Variants in FAM163B observed in about 807,000 individuals in gnomAD.
FAM163B encodes family with sequence similarity 163 member B.
A neutral mutation model predicts 7.6 loss-of-function variants in FAM163B; 4 were observed. The ratio of observed to expected loss-of-function variants is 0.52; its 90% CI spans 0.26 to 1.20. FAM163B has a LOEUF of 1.20. Ranked by LOEUF, FAM163B falls within the 50% of genes most tolerant of loss-of-function variation. The pLI is 0.14. For missense variants in FAM163B, 250 were observed against 243.0 expected, an observed-to-expected ratio of 1.03 and a Z score of -0.19; for synonymous variants, 120 against 111.6, an observed-to-expected ratio of 1.07 and a Z score of -0.47.
At chr9:133,581,822 C>A (rs947764740) in intron 1 of FAM163B, among the ~76,000 whole-genome samples, 8 of 152,194 alleles carry the variant, frequency 5.3e-5, no homozygotes, top group African/African-American at 1.7e-4. Flanking sequence ...CTTGACGTCA[C>A]AATCAGCTAA....
At chr9:133,580,305 T>C (rs1020588992) in intron 1 of FAM163B, 59 bp from the exon 2 acceptor site, 26 of 1,313,368 alleles carry the variant, frequency 2.0e-5, no homozygotes, top group Non-Finnish European at 2.7e-5. Flanking sequence ...AAGTCACTCG[T>C]GCTATTCTAG....
intron 1 of FAM163B, among the ~76,000 whole-genome samples, chr9:133,599,167 C>T (rs929291873): frequency 2.6e-5 from 4 of 152,198 alleles, no homozygotes; most frequent in Non-Finnish European, 4.4e-5. Flanking sequence ...AAATGCCTCA[C>T]CTGCACAGAG....
chr9:133,584,719 C>CG (rs1411346514), intron 1 of FAM163B, among the ~76,000 whole-genome samples: 4 of 152,152 alleles, frequency 2.6e-5, no homozygotes, highest in Non-Finnish European at 5.9e-5. Flanking sequence ...GCTTCTGAGC[C>CG]GGGCTGTGAA....
At chr9:133,590,462 C>T (rs1025751765) in intron 1 of FAM163B, among the ~76,000 whole-genome samples, 1 of 152,068 alleles carries the variant, frequency 6.6e-6, no homozygotes, top group Non-Finnish European at 1.5e-5. Flanking sequence ...CCTATAGGCA[C>T]AGCCGGCGCA....
In FAM163B at chr9:133,579,184, GTCCTCTTCCTCC is replaced by G; in HGVS notation, c.327_338del (p.Glu109_Glu112del). 1 of 1,611,890 alleles carries G rather than the reference GTCCTCTTCCTCC, an allele frequency of 6.2e-7. No homozygotes were observed. Among genetic ancestry groups the G allele is most frequent in the South Asian group, 1.1e-5 (1 of 91,032 alleles). ...GCACGCGCTCCCCGCCGTTCAGCACGTCCTCTTCCTCCTCCGGCGGCTCCTGCAGGAAGAAGG... is the reference window on the plus strand; with the variant it reads ...GCACGCGCTCCCCGCCGTTCAGCACGTCCGGCGGCTCCTGCAGGAAGAAGG... On this transcript the variant is annotated inframe_deletion, in exon 3 of 3. Coordinates refer to ENST00000673969, the MANE Select transcript of FAM163B (RefSeq NM_001080515.3).
chr9:133,578,981 C>A lies in FAM163B; in HGVS notation c.*41G>T. 6.8e-7 allele frequency: 1 copy of A among 1,464,456 alleles called. No individual in the cohort carries two copies. The highest frequency in any genetic ancestry group is 9.0e-7 in the Non-Finnish European group (1 of 1,109,350). 90.7% of individuals were successfully genotyped at this position (1,464,456 alleles called of 1,614,324 possible). ...TGTGCCAAAGGAATCCCCCCATTGT[C>A]TCAGGACCTTCAAGGCCAGGATCCC... is the stretch of plus-strand genomic sequence containing the variant. On this transcript the variant is annotated 3_prime_UTR_variant, in exon 3 of 3. Coordinates refer to ENST00000673969, the MANE Select transcript of FAM163B (RefSeq NM_001080515.3).
intron 1 of FAM163B, among the ~76,000 whole-genome samples, chr9:133,590,654 A>C (rs1314222938): frequency 6.6e-6 from 1 of 152,180 alleles, no homozygotes; most frequent in Non-Finnish European, 1.5e-5. Flanking sequence ...GGACAGGAGC[A>C]GGTGGACTCT....
chr9:133,586,548 C>G (rs1294286836), intron 1 of FAM163B, among the ~76,000 whole-genome samples: 1 of 152,204 alleles, frequency 6.6e-6, no homozygotes, highest in East Asian at 1.9e-4. Context: ...GAAGCTCCCC[C>G]CAGACCCCAG....
At chr9:133,591,418 G>A (rs950364850) in intron 1 of FAM163B, among the ~76,000 whole-genome samples, 8 of 152,184 alleles carry the variant, frequency 5.3e-5, no homozygotes, top group Admixed American at 2.0e-4. Context: ...TTTTCCTGTT[G>A]GGGCCGTGCA....
At chr9:133,597,438 T>C (rs999375722) in intron 1 of FAM163B, among the ~76,000 whole-genome samples, 19 of 151,800 alleles carry the variant, frequency 1.3e-4, no homozygotes, top group East Asian at 3.9e-4. Context: ...CAAAGTGAAA[T>C]AGAGAGAAAA....
At chr9:133,589,632 A>G (rs941367050) in intron 1 of FAM163B, among the ~76,000 whole-genome samples, 1 of 152,108 alleles carries the variant, frequency 6.6e-6, no homozygotes, top group Non-Finnish European at 1.5e-5. Context: ...CAGCGCGCAC[A>G]CACACAGTAG....
intron 1 of FAM163B, among the ~76,000 whole-genome samples, chr9:133,580,711 G>A (rs2131213887): frequency 6.6e-6 from 1 of 152,240 alleles, no homozygotes; most frequent in East Asian, 1.9e-4. Context: ...ATTTTCTTCT[G>A]CAACATAGTC....
chr9:133,597,169 C>T (rs554751145), intron 1 of FAM163B, among the ~76,000 whole-genome samples: 11 of 152,228 alleles, frequency 7.2e-5, no homozygotes, highest in South Asian at 2.1e-4. Context: ...GAACTAACCC[C>T]GAAGTGGCAC....
At position 133,579,290 on chromosome 9, in the gene FAM163B, G is replaced by A. The variant is rs1000689466; in HGVS notation, c.233C>T (p.Thr78Ile). Residue 78 changes from threonine (T) to isoleucine (I), a missense_variant, in exon 3 of 3, where the codon ACC (threonine) becomes ATC (isoleucine). By Grantham distance (89) the Thr-to-Ile change is moderately conservative. Transcript: ENST00000673969. ...CTGCGGGGACTTCTGGCTGAAGGAG[G>A]TGGAGGCGGTGGGGTAGAGCGCCGG... ...NGPALYPTAS[T>I]SFSQKSPQAR... 6.2e-6 allele frequency: 10 copies of A among 1,613,432 alleles called. No individual in the cohort carries two copies. Among genetic ancestry groups the A allele is most frequent in the South Asian group, 1.1e-5 (1 of 91,022 alleles).
Position 133,577,937 on chromosome 9 carries a change from G to A in FAM163B, c.*1085C>T, listed in dbSNP as rs1831277580. Among the ~76,000 whole-genome samples, 2 of 152,198 alleles carry A rather than the reference G, an allele frequency of 1.3e-5. No individual in the cohort carries two copies. Among genetic ancestry groups the A allele is most frequent in the Admixed American group, 1.3e-4 (2 of 15,286 alleles). On this transcript the variant is annotated 3_prime_UTR_variant, in exon 3 of 3. Coordinates refer to ENST00000673969, the MANE Select transcript of FAM163B (RefSeq NM_001080515.3). The stretch of plus-strand genomic sequence containing the variant: ...GGCAGCAGTAGGCTCTGGCTGCTTG[G>A]GGTCCACCAGGAGCTGGGCCAGGCC...
intron 1 of FAM163B, among the ~76,000 whole-genome samples, chr9:133,599,259 C>G (rs143985952): frequency 6.6e-6 from 1 of 152,190 alleles, no homozygotes; most frequent in East Asian, 1.9e-4. Flanking sequence ...TCAGGTCAGG[C>G]TGCTGCTCAG....
rs948281152 is a variant in FAM163B, at chr9:133,600,206, A to AGT, written c.-24+8869_-24+8870dup. Among the ~76,000 whole-genome samples the AGT allele has an allele frequency of 4.4e-5, 5 of 113,722 alleles. No homozygotes were observed. The highest frequency in any genetic ancestry group is 1.4e-4 in the African/African-American group (4 of 29,160). 74.6% of individuals were successfully genotyped at this position (113,722 alleles called of 152,430 possible). A position where few individuals can be genotyped will look rare whatever the true frequency, so the allele number is the denominator to read the frequency against. ...TGTATGTGGGAATGTGGTCTGTGTG[A>AGT]GTGTGTGTGTGTGGGGGGGAATGTG... On this transcript the variant is annotated intron_variant, in intron 1 of 2. Transcript: ENST00000673969. The surrounding 1 kb of genome is among the most constrained non-coding windows in gnomAD (Gnocchi z 4.9).
At chr9:133,590,110 CCCCT>C (rs1831523610) in intron 1 of FAM163B, among the ~76,000 whole-genome samples, 1 of 23,668 alleles carries the variant, frequency 4.2e-5, no homozygotes, top group Non-Finnish European at 9.8e-5. Flanking sequence ...CCCTTCCCTT[CCCCT>C]CCCCTTCCCC....
At chr9:133,595,454 T>C (rs1161751704) in intron 1 of FAM163B, among the ~76,000 whole-genome samples, 1 of 152,210 alleles carries the variant, frequency 6.6e-6, no homozygotes, top group Admixed American at 6.5e-5. Context: ...CGGCCAGGAC[T>C]GTGCATTTTT....
Sources: gnomAD v4.1 joint callset for allele counts (sites outside exome capture counted in the v4.1 genomes callset) on GRCh38, gnomAD v4.1.1 for gene constraint, Gnocchi (gnomAD v3.1) non-coding constraint, MANE v1.5 for transcripts, NCBI Gene and HGNC (gene_info 2026-07-23, HGNC 2026-07-21) for gene names.